Variants in ASAH2 observed in about 807,000 individuals in gnomAD.
The protein encoded by ASAH2 is N-acylsphingosine amidohydrolase 2, also known as neutral ceramidase.
Under a neutral mutation model 82.9 loss-of-function variants are expected in ASAH2, and 58 were observed. The ratio of observed to expected loss-of-function variants is 0.70; its 90% CI spans 0.57 to 0.87. The LOEUF is 0.87. Among genes scored for constraint, ASAH2 ranks in the 40% least tolerant of loss-of-function variants. The pLI is 0.00. For missense variants in ASAH2, 779 were observed against 834.0 expected, an observed-to-expected ratio of 0.93 and a Z score of 0.81; for synonymous variants, 276 against 289.7, an observed-to-expected ratio of 0.95 and a Z score of 0.48.
chr10:50,206,290 G>T (rs1421055316), intron 12 of ASAH2, among the ~76,000 whole-genome samples, 193 bp from the exon 13 acceptor site: 2 of 151,832 alleles, frequency 1.3e-5, no homozygotes, highest in Non-Finnish European at 2.9e-5. Flanking sequence ...ATGAGCCATT[G>T]TTTAATTAGA....
rs756446942 is a variant in ASAH2, at chr10:50,245,292, T to C, written c.290A>G (p.Gln97Arg). 2.5e-6 allele frequency: 4 copies of C among 1,614,146 alleles called. No homozygotes were observed. The highest frequency in any genetic ancestry group is 3.4e-6 in the Non-Finnish European group (4 of 1,180,008). The change falls in exon 3 of 21, where the codon CAG becomes CGG. Residue 97 changes from glutamine (Q) to arginine (R), a missense_variant. Physicochemically the swap from Gln to Arg is conservative, Grantham distance 43. This residue lies in a region of ASAH2 where 759 missense variants were observed against 755.2 expected (regional missense o/e 1.00). Coordinates refer to ENST00000682911, the MANE Select transcript of ASAH2 (RefSeq NM_019893.4). The part of the protein sequence containing the change: ...VPLTPESPLF[Q>R]NFSGYHIGVG... ...ACCAATATGGTAGCCACTGAAGTTC[T>C]GAAATAGAGGAGACTCTGGGGTTAA...
At position 50,218,573 on chromosome 10, in the gene ASAH2, G is replaced by A. The variant is rs772780902; in HGVS notation, c.951C>T (p.Asp317=). 3.1e-6 allele frequency: 5 copies of A among 1,613,622 alleles called. No homozygotes were observed. The highest frequency in any genetic ancestry group is 3.3e-4 in the Middle Eastern group (2 of 6,076). ...MNNSNHLVNS[D]NVGYASYLLE... is the part of the protein sequence containing the mutation. Reference sequence around the variant, plus strand: ...GCAGGTAAGATGCATAGCCCACATTGTCACTGTTTACAAGATGGTTACTGT... The same window carrying A: ...GCAGGTAAGATGCATAGCCCACATTATCACTGTTTACAAGATGGTTACTGT... The change falls in exon 8 of 21, where the codon GAC becomes GAT. Residue 317 remains aspartate (D), a synonymous_variant. Transcript: ENST00000682911.
intron 4 of ASAH2, 120 bp downstream of exon 4, chr10:50,243,082 A>G (rs1846346368): frequency 1.7e-6 from 2 of 1,150,126 alleles, no homozygotes; most frequent in South Asian, 1.4e-5. Context: ...AGCGTATAAT[A>G]TTGAAGGTAA....
intron 12 of ASAH2, 48 bp downstream of exon 12, chr10:50,210,775 A>G: frequency 7.2e-7 from 1 of 1,397,576 alleles, no homozygotes. Context: ...AACAGAACCC[A>G]GAAGCTTCAG....
Position 50,204,925 on chromosome 10 carries a change from T to A in ASAH2, c.1561A>T (p.Ile521Phe). 7 of 1,611,366 alleles carry A rather than the reference T, an allele frequency of 4.3e-6. No individual in the cohort carries two copies. Among genetic ancestry groups the A allele is most frequent in the Non-Finnish European group, 5.9e-6 (7 of 1,178,654 alleles). ...AGGGTAATAATCTGAACATCAACAATGTCTGGATGCCAGGGGTGAGGTTTT... is the reference window on the plus strand; with the variant it reads ...AGGGTAATAATCTGAACATCAACAAAGTCTGGATGCCAGGGGTGAGGTTTT... ...LSKPHPWHPD[I>F]VDVQIITLGS... The change falls in exon 14 of 21, where the codon ATT (isoleucine) becomes TTT (phenylalanine). Residue 521 changes from isoleucine (I) to phenylalanine (F), a missense_variant. Ile to Phe is a conservative substitution (Grantham distance 21, BLOSUM62 0). Around this residue, in one of 3 missense-constraint regions of ASAH2, gnomAD observed 759 missense variants for 755.2 expected, o/e 1.00. Transcript: ENST00000682911.
At chr10:50,234,855 C>T (rs202183815) in intron 5 of ASAH2, among the ~76,000 whole-genome samples, 48,768 of 151,912 alleles carry the variant, frequency 0.32, 8,775 homozygotes, top group East Asian at 0.61. Context: ...TTCAGTTTGT[C>T]ACTTCAGATA....
chr10:50,217,309 C>A (rs952037007), intron 8 of ASAH2, among the ~76,000 whole-genome samples: 1 of 149,160 alleles, frequency 6.7e-6, no homozygotes, highest in Non-Finnish European at 1.5e-5. Context: ...CTCACTACAA[C>A]CTCTGCCTCC....
At chr10:50,220,664 A>G (rs1845719159) in intron 7 of ASAH2, among the ~76,000 whole-genome samples, 1 of 152,100 alleles carries the variant, frequency 6.6e-6, no homozygotes, top group African/African-American at 2.4e-5. Context: ...AAAATAACTA[A>G]TGGGTACTAG....
chr10:50,247,527 T>C (rs975388446), intron 2 of ASAH2, among the ~76,000 whole-genome samples: 2 of 152,062 alleles, frequency 1.3e-5, no homozygotes, highest in Non-Finnish European at 2.9e-5. Context: ...CTGTGCCTAC[T>C]GCTGGATCAG....
At chr10:50,194,277 T>C (rs1268123359) in intron 18 of ASAH2, among the ~76,000 whole-genome samples, 2 of 151,422 alleles carry the variant, frequency 1.3e-5, no homozygotes, top group African/African-American at 4.9e-5. Flanking sequence ...GCAAATCAAA[T>C]TCAGCAACAT....
intron 16 of ASAH2, among the ~76,000 whole-genome samples, chr10:50,200,438 A>C (rs1326470604): frequency 1.7e-4 from 26 of 151,802 alleles, no homozygotes; most frequent in African/African-American, 5.8e-4. Flanking sequence ...GGACCTTTGC[A>C]TATATCGTTT....
chr10:50,230,325 G>A (rs937711995), intron 7 of ASAH2, among the ~76,000 whole-genome samples: 1 of 152,236 alleles, frequency 6.6e-6, no homozygotes, highest in South Asian at 2.1e-4. Context: ...CTAGGCCCTT[G>A]TTCCTCTGCT....
chr10:50,200,564 G>C (rs1405935250), intron 16 of ASAH2, among the ~76,000 whole-genome samples: 1 of 152,026 alleles, frequency 6.6e-6, no homozygotes, highest in African/African-American at 2.4e-5. Flanking sequence ...CCCAGTCTGG[G>C]CTGGTGCTCT....
rs138700021 is a variant in ASAH2, at chr10:50,250,537, C to T, written c.-37+858G>A. Among the ~76,000 whole-genome samples the T allele has an allele frequency of 6.8e-3, 1,030 of 152,286 alleles. 5 individuals carry two copies. The highest frequency in any genetic ancestry group is 0.01 in the Non-Finnish European group (684 of 68,016). On this transcript the variant is annotated intron_variant, in intron 1 of 20. Transcript: ENST00000682911. ...CACATCTAAGACATGCCTCTGAACT[C>T]TAAGGATCTACAGATAATTACTACT...
At chr10:50,225,857 G>A (rs1164082685) in intron 7 of ASAH2, among the ~76,000 whole-genome samples, 7 of 152,086 alleles carry the variant, frequency 4.6e-5, no homozygotes, top group Non-Finnish European at 8.8e-5. Context: ...TTGGGAGGCC[G>A]AGGCGGGCAG....
intron 4 of ASAH2, chr10:50,240,644 A>G (rs912643412): frequency 1.4e-6 from 1 of 701,158 alleles, no homozygotes; most frequent in African/African-American, 1.7e-5. Flanking sequence ...ATGCCTCCAT[A>G]TGTCCTAATA....
chr10:50,231,136 C>T (rs1055829690), intron 7 of ASAH2, among the ~76,000 whole-genome samples: 4 of 151,686 alleles, frequency 2.6e-5, no homozygotes, highest in Non-Finnish European at 4.4e-5. Context: ...ACTATAAGGG[C>T]GACTCTATCT....
intron 6 of ASAH2, among the ~76,000 whole-genome samples, chr10:50,233,495 A>G (rs1006986338): frequency 6.6e-6 from 1 of 152,118 alleles, no homozygotes; most frequent in South Asian, 2.1e-4. Flanking sequence ...TGAAATACAC[A>G]TATTTTTATA....
intron 7 of ASAH2, among the ~76,000 whole-genome samples, chr10:50,230,648 C>T (rs1162851730): frequency 3.3e-5 from 5 of 152,100 alleles, no homozygotes; most frequent in South Asian, 4.2e-4. Context: ...GACAGTTGAC[C>T]GAAAGACTTC....
Sources: gnomAD v4.1 joint callset for allele counts (sites outside exome capture counted in the v4.1 genomes callset) on GRCh38, gnomAD v4.1.1 for gene constraint, gnomAD v4.1.1 regional missense constraint, MANE v1.5 for transcripts, NCBI Gene and HGNC (gene_info 2026-07-23, HGNC 2026-07-21) for gene names.